The following DSCAML1 variants were observed in gnomAD, a reference collection of about 807,000 sequenced individuals.
DSCAML1 encodes DS cell adhesion molecule like 1, also known as cell adhesion molecule DSCAML1.
Under a neutral mutation model 200.5 loss-of-function variants are expected in DSCAML1, and 38 were observed. The ratio of observed to expected loss-of-function variants is 0.19; its 90% CI spans 0.15 to 0.25. DSCAML1 has a LOEUF of 0.25. Ranked by LOEUF, DSCAML1 falls within the 10% of genes least tolerant of loss-of-function variation. DSCAML1 has a pLI of 1.00. For synonymous variants in DSCAML1, 1,215 were observed against 1,165.0 expected (o/e 1.04, Z -0.87); for missense variants, 2,223 against 2,858.8 (o/e 0.78, Z 5.07).
At chr11:117,453,509 T>C (rs1272288324) in intron 19 of DSCAML1, among the ~76,000 whole-genome samples, 1 of 152,206 alleles carries the variant, frequency 6.6e-6, no homozygotes, top group Non-Finnish European at 1.5e-5. Flanking sequence ...ATAGTTTTGT[T>C]AGGTATAATA....
In DSCAML1 at chr11:117,607,893, T is replaced by G. The variant is rs530378674; in HGVS notation, c.512-75371A>C. ...AGGGAAAAAGAGTCTTAATAAAGAA[T>G]GTGAACCTCACAAGAGCATGTATGC... On this transcript the variant is annotated intron_variant, in intron 3 of 32. Transcript: ENST00000651296. 4.6e-4 allele frequency among the ~76,000 whole-genome samples: 70 copies of G among 152,344 alleles called. No individual in the cohort carries two copies. The South Asian group carries it at 8.9e-3, about 19-fold the overall frequency.
chr11:117,641,752 G>C (rs1482721634), intron 3 of DSCAML1, among the ~76,000 whole-genome samples: 1 of 152,114 alleles, frequency 6.6e-6, no homozygotes, highest in African/African-American at 2.4e-5. Flanking sequence ...TGAGGCCTGC[G>C]ACCGGCTCTA....
chr11:117,694,130 C>T (rs112266857), intron 3 of DSCAML1, among the ~76,000 whole-genome samples: 7,664 of 148,952 alleles, frequency 0.051, 285 homozygotes, highest in Non-Finnish European at 0.072. Context: ...AGGCTGGGCA[C>T]GGTGGCTCAT....
intron 1 of DSCAML1, among the ~76,000 whole-genome samples, chr11:117,785,289 A>G (rs1316147127): frequency 1.3e-5 from 2 of 152,190 alleles, no homozygotes; most frequent in African/African-American, 4.8e-5. Context: ...GCCAGGAGCC[A>G]TGGGGAGGGA....
intron 3 of DSCAML1, among the ~76,000 whole-genome samples, chr11:117,544,925 T>C (rs1269834658): frequency 1.3e-5 from 2 of 152,098 alleles, no homozygotes; most frequent in South Asian, 2.1e-4. Flanking sequence ...TCCTGACTGA[T>C]GATGCCCTTA....
intron 3 of DSCAML1, among the ~76,000 whole-genome samples, chr11:117,692,891 T>A (rs149064793): frequency 5.8e-4 from 88 of 152,278 alleles, no homozygotes; most frequent in African/African-American, 2.0e-3. Flanking sequence ...CTGGTCTACT[T>A]CCCCTATGCA....
intron 18 of DSCAML1, among the ~76,000 whole-genome samples, chr11:117,460,577 C>T (rs917057763): frequency 6.6e-6 from 1 of 152,122 alleles, no homozygotes; most frequent in Non-Finnish European, 1.5e-5. Flanking sequence ...GATGCCTGTC[C>T]TCTGACCTGT....
chr11:117,717,006 TGCAC>T, intron 3 of DSCAML1, among the ~76,000 whole-genome samples: 1 of 85,576 alleles, frequency 1.2e-5, no homozygotes, highest in Non-Finnish European at 2.7e-5. Flanking sequence ...GCACCCCAGA[TGCAC>T]CCCAGCACCA....
chr11:117,575,306 A>G (rs576367013), intron 3 of DSCAML1, among the ~76,000 whole-genome samples: 4 of 152,338 alleles, frequency 2.6e-5, no homozygotes, highest in East Asian at 1.9e-4. Flanking sequence ...GGGATGACGC[A>G]TGGTTTGAGA....
In DSCAML1 at chr11:117,516,150, C is replaced by T. The variant is rs898587376; in HGVS notation, c.1783+317G>A. 2.0e-5 allele frequency among the ~76,000 whole-genome samples: 3 copies of T among 152,318 alleles called. No individual in the cohort carries two copies. Among genetic ancestry groups the T allele is most frequent in the African/African-American group, 7.2e-5 (3 of 41,568 alleles). On this transcript the variant is annotated intron_variant, in intron 8 of 32. Coordinates refer to ENST00000651296, the MANE Select transcript of DSCAML1 (RefSeq NM_020693.4). This position sits in a 1 kb window ranked among gnomAD's most constrained non-coding sequence, Gnocchi z 5.7. ...CCCAACAGCAGAGGCCCCATGCAGCCCATCTCTGACCTGGCCTCTCTCCCA... is the reference window on the plus strand; with the variant it reads ...CCCAACAGCAGAGGCCCCATGCAGCTCATCTCTGACCTGGCCTCTCTCCCA...
intron 3 of DSCAML1, among the ~76,000 whole-genome samples, chr11:117,714,931 T>C (rs1340829516): frequency 6.6e-6 from 1 of 151,154 alleles, no homozygotes; most frequent in African/African-American, 2.4e-5. Context: ...CAAGTGTCCT[T>C]CTATTCCACC....
chr11:117,581,601 C>A (rs1221944862), intron 3 of DSCAML1, among the ~76,000 whole-genome samples: 1 of 152,206 alleles, frequency 6.6e-6, no homozygotes, highest in Non-Finnish European at 1.5e-5. Context: ...TGCATCTGAA[C>A]ATTAAGCATT....
At position 117,505,952 on chromosome 11, in the gene DSCAML1, C is replaced by T. The variant is rs2049488765; in HGVS notation, c.1784-220G>A. On this transcript the variant is annotated intron_variant, in intron 8 of 32. Transcript: ENST00000651296. The surrounding 1 kb of genome is among the most constrained non-coding windows in gnomAD (Gnocchi z 6.7). ...TGGGACCCACTGTCTCTGTTCAGGGCCTTGACTGGCCTGGATTAACTCTGA... is the reference window on the plus strand; with the variant it reads ...TGGGACCCACTGTCTCTGTTCAGGGTCTTGACTGGCCTGGATTAACTCTGA... 6.6e-6 allele frequency among the ~76,000 whole-genome samples: 1 copy of T among 152,190 alleles called. No individual in the cohort carries two copies.
chr11:117,816,202 G>T (rs564284226), intron 1 of DSCAML1, among the ~76,000 whole-genome samples: 17 of 152,308 alleles, frequency 1.1e-4, no homozygotes, highest in Non-Finnish European at 2.9e-5. Context: ...CTGAGTCTGG[G>T]CCCAGGCTTT....
At chr11:117,606,326 C>T (rs529477709) in intron 3 of DSCAML1, among the ~76,000 whole-genome samples, 1 of 152,268 alleles carries the variant, frequency 6.6e-6, no homozygotes, top group South Asian at 2.1e-4. Flanking sequence ...CCTTCACTGC[C>T]CCCCTGGAGA....
rs758496590 is a variant in DSCAML1 at position 117,505,683 on chromosome 11, C to T, written c.1833G>A (p.Gln611=). Residue 611 remains glutamine (Q), a synonymous_variant, in exon 9 of 33, where the codon CAG becomes CAA. Coordinates refer to ENST00000651296, the MANE Select transcript of DSCAML1 (RefSeq NM_020693.4). This position sits in a 1 kb window ranked among gnomAD's most constrained non-coding sequence, Gnocchi z 6.7. ...PFEFPPASIG[Q]LLYIPCVVSS... ...ACACCACACAGGGAATGTAGAGCAG[C>T]TGGCCGATGGAGGCGGGTGGGAATT... 12 of 1,613,498 alleles carry T rather than the reference C, an allele frequency of 7.4e-6. No individual in the cohort carries two copies. In the African/African-American group the frequency reaches 9.3e-5, roughly 13 times the overall value.
intron 3 of DSCAML1, among the ~76,000 whole-genome samples, chr11:117,716,831 G>A (rs528123245): frequency 6.6e-6 from 1 of 152,288 alleles, no homozygotes; most frequent in South Asian, 2.1e-4. Flanking sequence ...GCTCACCCAT[G>A]TATTGTCCAC....
chr11:117,630,907 T>A lies in DSCAML1; in HGVS notation c.512-98385A>T, dbSNP rs1002814684. On this transcript the variant is annotated intron_variant, in intron 3 of 32. Coordinates refer to ENST00000651296, the MANE Select transcript of DSCAML1 (RefSeq NM_020693.4). The stretch of plus-strand genomic sequence containing the variant: ...GCAGGTCGCATGAACTCTCTGTGCC[T>A]TCGTTTCCTCATCTGTAAAACTGGG... Among the ~76,000 whole-genome samples, 94 of 152,164 alleles carry A rather than the reference T, an allele frequency of 6.2e-4. 1 individual carries two copies. Among genetic ancestry groups the A allele is most frequent in the Non-Finnish European group, 1.5e-5 (1 of 68,044 alleles).
rs547754286 is a variant in DSCAML1 at position 117,471,105 on chromosome 11, T to C, written c.2953+764A>G. Among the ~76,000 whole-genome samples the C allele has an allele frequency of 2.6e-5, 4 of 152,262 alleles. No homozygotes were observed. In the East Asian group the frequency reaches 7.7e-4, roughly 29 times the overall value. ...ATGCTGGCTAATGGATGATGAGTGT[T>C]GGTTATACTCATTGTTTACCTTATG... is the stretch of plus-strand genomic sequence containing the variant. On this transcript the variant is annotated intron_variant, in intron 15 of 32. Transcript: ENST00000651296.
Sources: allele counts gnomAD v4.1 joint callset (sites outside exome capture counted in the v4.1 genomes callset), GRCh38; gene constraint gnomAD v4.1.1; non-coding constraint Gnocchi (gnomAD v3.1); transcripts MANE v1.5; gene names NCBI Gene and HGNC (gene_info 2026-07-23, HGNC 2026-07-21).